Variants in RIPOR2 observed in about 807,000 individuals in gnomAD.
RIPOR2 encodes RHO family interacting cell polarization regulator 2.
A neutral mutation model predicts 114.5 loss-of-function variants in RIPOR2; 39 were observed. The ratio of observed to expected loss-of-function variants is 0.34; its 90% confidence interval spans 0.26 to 0.44. The LOEUF (loss-of-function observed/expected upper bound fraction) is 0.44. Ranked by LOEUF, RIPOR2 falls within the 20% of genes least tolerant of loss-of-function variation. RIPOR2 has a pLI of 1.00. For synonymous variants in RIPOR2, 445 were observed against 484.4 expected (o/e 0.92, Z 1.07); for missense variants, 1,007 against 1,255.1 (o/e 0.80, Z 2.99).
intron 1 of RIPOR2, chr6:24,898,445 A>C (rs896207680): frequency 1.3e-5 from 2 of 152,192 alleles, no homozygotes; most frequent in African/African-American, 4.8e-5. Context: ...TGGCAAGTAA[A>C]GTTGCCTTAG....
chr6:24,958,757 G>T (rs771459687), intron 1 of RIPOR2, among the ~76,000 whole-genome samples: 8 of 152,014 alleles, frequency 5.3e-5, no homozygotes, highest in Non-Finnish European at 1.2e-4. Flanking sequence ...CACAAACTGG[G>T]TGGCTGAAAC....
At chr6:24,907,228 G>A (rs906179651) in intron 1 of RIPOR2, among the ~76,000 whole-genome samples, 3 of 152,120 alleles carry the variant, frequency 2.0e-5, no homozygotes, top group Non-Finnish European at 4.4e-5. Flanking sequence ...CACCTCATTT[G>A]CTTTCACTGT....
intron 8 of RIPOR2, among the ~76,000 whole-genome samples, chr6:24,856,718 G>A (rs778452612): frequency 1.3e-5 from 2 of 152,188 alleles, no homozygotes; most frequent in African/African-American, 4.8e-5. Context: ...TAGTGCCACT[G>A]CACTGCAGCC....
intron 1 of RIPOR2, among the ~76,000 whole-genome samples, chr6:25,038,279 A>G (rs1271930720): frequency 6.6e-6 from 1 of 152,246 alleles, no homozygotes; most frequent in Non-Finnish European, 1.5e-5. Flanking sequence ...AGATGGCCCC[A>G]CGATTCTTGC....
At chr6:24,904,427 A>G (rs1288511995) in intron 1 of RIPOR2, among the ~76,000 whole-genome samples, 1 of 152,196 alleles carries the variant, frequency 6.6e-6, no homozygotes, top group Non-Finnish European at 1.5e-5. Flanking sequence ...TCCCTCTGAC[A>G]TAGCAGGGGA....
At chr6:24,929,289 G>A (rs1218089940) in intron 1 of RIPOR2, 3 of 151,270 alleles carry the variant, frequency 2.0e-5, no homozygotes, top group Non-Finnish European at 4.4e-5. Context: ...TACATGATCT[G>A]ATTTGTCTGT....
intron 1 of RIPOR2, among the ~76,000 whole-genome samples, chr6:24,991,632 G>A (rs1774820365): frequency 6.6e-6 from 1 of 152,148 alleles, no homozygotes; most frequent in Non-Finnish European, 1.5e-5. Flanking sequence ...ACCTCACTGT[G>A]GGCCCCCAGT....
chr6:24,899,360 A>G (rs992010696), intron 1 of RIPOR2, among the ~76,000 whole-genome samples: 1 of 152,224 alleles, frequency 6.6e-6, no homozygotes, highest in African/African-American at 2.4e-5. Flanking sequence ...AAGTCAGTGA[A>G]TCACAGCTAT....
At chr6:24,942,157 CAA>C (rs1772168189) in intron 1 of RIPOR2, among the ~76,000 whole-genome samples, 3 of 151,992 alleles carry the variant, frequency 2.0e-5, no homozygotes, top group Admixed American at 2.0e-4. Flanking sequence ...AAATAAGAGA[CAA>C]TATAAAATAT....
rs1774038478 is a variant in RIPOR2, at chr6:24,976,285, AT to A, written c.76+65565del. 6.0e-6 allele frequency: 4 copies of A among 661,424 alleles called. No homozygotes were observed. The Admixed American group carries it at 1.2e-4, about 19-fold the overall frequency. The allele number at this position is 661,424 out of a possible 1,614,324, so 41.0% of individuals were successfully genotyped here. A position where few individuals can be genotyped will look rare whatever the true frequency, so the allele number is the denominator to read the frequency against. ...TAGTTACATATATTAGAACGTATAT[AT>A]GCCTTGAAATATTGTGCAACCACTT... On this transcript the variant is annotated intron_variant, in intron 1 of 13. Transcript: ENST00000510784.
At position 24,825,255 on chromosome 6, in the gene RIPOR2, C is replaced by T. The variant is rs1453673101; in HGVS notation, c.2839G>A (p.Ala947Thr). The T allele has an allele frequency of 3.1e-5, 48 of 1,551,092 alleles. No homozygotes were observed. In the East Asian group the frequency reaches 1.1e-3, roughly 37 times the overall value. ...SEAVTLYLAA[A>T]SKNQHFREKA... ...TCCCTGAAATGCTGATTTTTGGAGG[C>T]TGCTGCCAAGTAAAGCGTCACAGCC... The change falls in exon 19 of 22, where the codon GCC becomes ACC. Residue 947 changes from alanine (A) to threonine (T), a missense_variant. By Grantham distance (58) the Ala-to-Thr change is moderately conservative (BLOSUM62 0). Coordinates refer to ENST00000643898, the MANE Select transcript of RIPOR2 (RefSeq NM_001286445.3).
At position 24,809,814 on chromosome 6, in the gene RIPOR2, G is replaced by A. The variant is rs1781022774; in HGVS notation, c.2953-7C>T. ...TTTTAATGCTTTCAGTAGCCTATGG[G>A]GGAAAAATAGGTTAAATCGTGTTTT... On this transcript the variant is annotated splice_polypyrimidine_tract_variant and splice_region_variant and intron_variant, in intron 20 of 21. Transcript: ENST00000643898. The A allele has an allele frequency of 6.6e-7, 1 of 1,512,426 alleles. No individual in the cohort carries two copies. Among genetic ancestry groups the A allele is most frequent in the African/African-American group, 1.4e-5 (1 of 72,264 alleles). 93.7% of individuals were successfully genotyped at this position (1,512,426 alleles called of 1,614,324 possible).
At chr6:24,852,284 G>GTAAA (rs1456106532) in intron 9 of RIPOR2, among the ~76,000 whole-genome samples, 5 of 151,094 alleles carry the variant, frequency 3.3e-5, no homozygotes, top group Admixed American at 6.6e-5. Flanking sequence ...AAATAAGTAA[G>GTAAA]TAAATAAATA....
chr6:24,963,480 T>C (rs1773394585), intron 1 of RIPOR2, among the ~76,000 whole-genome samples: 1 of 152,114 alleles, frequency 6.6e-6, no homozygotes, highest in Non-Finnish European at 1.5e-5. Flanking sequence ...TAAGAACAAG[T>C]GTAAAATAAT....
chr6:25,021,721 C>G (rs1162566796), intron 1 of RIPOR2, among the ~76,000 whole-genome samples: 3 of 152,288 alleles, frequency 2.0e-5, no homozygotes, highest in Middle Eastern at 6.8e-3. Flanking sequence ...CAAAATCTCA[C>G]AAATCACCAC....
intron 1 of RIPOR2, chr6:24,910,502 C>T (rs534742554): frequency 1.3e-5 from 2 of 152,544 alleles, no homozygotes; most frequent in East Asian, 3.9e-4. Context: ...CGCTTCCTCG[C>T]CCCAGAAATG....
intron 13 of RIPOR2, chr6:24,839,882 G>C: frequency 9.2e-7 from 1 of 1,082,726 alleles, no homozygotes; most frequent in Non-Finnish European, 1.1e-6. Context: ...CCCAGAAACA[G>C]GAAGTGGTTC....
chr6:24,860,219 A>G (rs1466091276), intron 8 of RIPOR2, among the ~76,000 whole-genome samples: 1 of 152,232 alleles, frequency 6.6e-6, no homozygotes, highest in African/African-American at 2.4e-5. Flanking sequence ...TGCTAGAAAC[A>G]TGAGGAGCTA....
intron 1 of RIPOR2, among the ~76,000 whole-genome samples, chr6:24,907,364 T>G (rs1421152237): frequency 6.6e-6 from 1 of 152,248 alleles, no homozygotes. Flanking sequence ...CAGCTTCTTT[T>G]CTTCATAGTG....
Sources: allele counts gnomAD v4.1 joint callset (sites outside exome capture counted in the v4.1 genomes callset), GRCh38; gene constraint gnomAD v4.1.1; transcripts MANE v1.5; gene names NCBI Gene and HGNC (gene_info 2026-07-23, HGNC 2026-07-21).